Variants in PDE3B observed in about 807,000 individuals in gnomAD.
PDE3B encodes the protein cGMP-inhibited 3',5'-cyclic phosphodiesterase 3B.
In PDE3B, 66 loss-of-function variants were observed where a neutral mutation model predicts 116.8. That is an observed-to-expected ratio of 0.56 (90% CI 0.46 to 0.69). The LOEUF is 0.69. PDE3B is among the 30% of genes least tolerant of loss of function. The probability of loss-of-function intolerance (pLI) is 0.00; values close to 1 mark genes in which losing one functional copy is unlikely to be tolerated. For synonymous variants in PDE3B, 595 were observed against 533.6 expected (o/e 1.12, Z -1.59); for missense variants, 1,384 against 1,368.1 (o/e 1.01, Z -0.18).
rs373997696 is a variant in PDE3B at position 14,806,686 on chromosome 11, C to T, written c.1522+2636C>T. Among the ~76,000 whole-genome samples the T allele has an allele frequency of 1.9e-3, 292 of 150,948 alleles. 1 individual carries two copies. Among genetic ancestry groups the T allele is most frequent in the African/African-American group, 6.4e-3 (264 of 41,196 alleles). Reference sequence around the variant, plus strand: ...CATCCCGGCTAAAATGGTGAAACCCCGTCTCTACTAAAAATACAAAAAATT... The same window carrying T: ...CATCCCGGCTAAAATGGTGAAACCCTGTCTCTACTAAAAATACAAAAAATT... On this transcript the variant is annotated intron_variant, in intron 5 of 15. Transcript: ENST00000282096.
At chr11:14,857,762 T>A (rs1419200150) in intron 12 of PDE3B, among the ~76,000 whole-genome samples, 3 of 152,222 alleles carry the variant, frequency 2.0e-5, no homozygotes, top group Non-Finnish European at 4.4e-5. Context: ...GTTTATTAAG[T>A]CAGCTAGCTT....
chr11:14,817,082 A>G (rs1859355404), intron 5 of PDE3B, among the ~76,000 whole-genome samples: 1 of 152,244 alleles, frequency 6.6e-6, no homozygotes, highest in African/African-American at 2.4e-5. Context: ...TGTGGCACAT[A>G]CACACCATGG....
chr11:14,757,503 T>C (rs2133882930), intron 1 of PDE3B, among the ~76,000 whole-genome samples: 1 of 151,076 alleles, frequency 6.6e-6, no homozygotes, highest in East Asian at 1.9e-4. Context: ...TTCTAACTGG[T>C]GTGAGATGGT....
intron 1 of PDE3B, among the ~76,000 whole-genome samples, chr11:14,677,459 T>A (rs1281672815): frequency 6.6e-6 from 1 of 152,232 alleles, no homozygotes; most frequent in Non-Finnish European, 1.5e-5. Flanking sequence ...TAGATGTTGT[T>A]CAAAGCACTG....
intron 1 of PDE3B, among the ~76,000 whole-genome samples, chr11:14,664,393 A>G (rs929281081): frequency 1.3e-5 from 2 of 152,200 alleles, no homozygotes; most frequent in Admixed American, 6.5e-5. Context: ...AAAAGCTAGC[A>G]GAAGGCAAGA....
intron 12 of PDE3B, among the ~76,000 whole-genome samples, chr11:14,849,181 T>A (rs11510168): frequency 1.3e-5 from 2 of 152,074 alleles, no homozygotes; most frequent in Admixed American, 6.5e-5. Context: ...GAAATAACGC[T>A]GCATATCTAC....
intron 1 of PDE3B, among the ~76,000 whole-genome samples, chr11:14,694,334 G>C (rs1389599808): frequency 6.6e-6 from 1 of 152,088 alleles, no homozygotes; most frequent in African/African-American, 2.4e-5. Context: ...ATGAAGCATT[G>C]GATGCTCCAG....
chr11:14,656,100 A>G (rs1241184950), intron 1 of PDE3B, among the ~76,000 whole-genome samples: 1 of 152,176 alleles, frequency 6.6e-6, no homozygotes, highest in Non-Finnish European at 1.5e-5. Flanking sequence ...GAACAGTGGG[A>G]GTGGAAAAGC....
chr11:14,785,584 A>G (rs1858163520), intron 2 of PDE3B, among the ~76,000 whole-genome samples: 1 of 152,068 alleles, frequency 6.6e-6, no homozygotes, highest in African/African-American at 2.4e-5. Context: ...GTAACATTTA[A>G]TTTACTGTTC....
chr11:14,844,114 C>A, intron 12 of PDE3B, 88 bp downstream of exon 12: 1 of 937,308 alleles, frequency 1.1e-6, no homozygotes, highest in Admixed American at 1.8e-5. Flanking sequence ...TCAGTTGAAT[C>A]ATATGTCCAA....
chr11:14,776,617 TA>T (rs1177962842), intron 2 of PDE3B: 1 of 151,026 alleles, frequency 6.6e-6, no homozygotes, highest in Non-Finnish European at 1.5e-5. Flanking sequence ...ACATGTACCC[TA>T]AAACTTAAAG....
At chr11:14,737,775 C>G (rs866707656) in intron 1 of PDE3B, among the ~76,000 whole-genome samples, 1 of 104,588 alleles carries the variant, frequency 9.6e-6, no homozygotes, top group African/African-American at 3.7e-5. Flanking sequence ...CCCCTCCCCC[C>G]ACCCCACAAC....
intron 1 of PDE3B, among the ~76,000 whole-genome samples, chr11:14,711,976 T>C (rs541811849): frequency 6.5e-4 from 99 of 152,272 alleles, no homozygotes; most frequent in African/African-American, 2.3e-3. Context: ...TACAAATAAT[T>C]TGTTATGGCC....
At chr11:14,825,445 A>G (rs1035097957) in intron 7 of PDE3B, among the ~76,000 whole-genome samples, 1 of 152,216 alleles carries the variant, frequency 6.6e-6, no homozygotes, top group Non-Finnish European at 1.5e-5. Flanking sequence ...GATGGAGGAA[A>G]ATCTACCAAG....
chr11:14,716,101 C>A (rs1295346666), intron 1 of PDE3B, among the ~76,000 whole-genome samples: 1 of 152,134 alleles, frequency 6.6e-6, no homozygotes, highest in African/African-American at 2.4e-5. Flanking sequence ...GGCATTGCCT[C>A]ACCTGGGAAG....
intron 1 of PDE3B, among the ~76,000 whole-genome samples, chr11:14,654,815 C>T (rs979596025): frequency 1.3e-5 from 2 of 151,534 alleles, no homozygotes; most frequent in African/African-American, 4.8e-5. Flanking sequence ...CACACACACA[C>T]ACACACACAC....
intron 1 of PDE3B, among the ~76,000 whole-genome samples, chr11:14,656,990 CAAAG>C (rs1853733661): frequency 6.6e-6 from 1 of 151,916 alleles, no homozygotes; most frequent in South Asian, 2.1e-4. Context: ...TTTAGGACAA[CAAAG>C]AAAAGATACA....
chr11:14,831,711 C>T lies in PDE3B; in HGVS notation c.2028C>T (p.Asn676=). 1 of 1,600,434 alleles carries T rather than the reference C, an allele frequency of 6.2e-7. No individual in the cohort carries two copies. Among genetic ancestry groups the T allele is most frequent in the Non-Finnish European group, 8.5e-7 (1 of 1,170,134 alleles). ...ACTCATTAATAGAAAAGATGAGCAA[C>T]TGGAATTTTCCAATTTTTGAACTTG... ...EYDSLIEKMS[N]WNFPIFELVE... is the part of the protein sequence containing the mutation. Residue 676 remains asparagine (N), a synonymous_variant, in exon 9 of 16, where the codon AAC becomes AAT. Transcript: ENST00000282096.
chr11:14,812,460 C>A (rs910670950), intron 5 of PDE3B, among the ~76,000 whole-genome samples: 1 of 151,842 alleles, frequency 6.6e-6, no homozygotes, highest in Non-Finnish European at 1.5e-5. Context: ...ATTAAAATGT[C>A]GGAAGAAGCT....
Sources: allele counts gnomAD v4.1 joint callset (sites outside exome capture counted in the v4.1 genomes callset), GRCh38; gene constraint gnomAD v4.1.1; transcripts MANE v1.5; gene names NCBI Gene and HGNC (gene_info 2026-07-23, HGNC 2026-07-21).